Variants in JAKMIP1 observed in about 807,000 individuals in gnomAD.
The protein encoded by JAKMIP1 is janus kinase and microtubule interacting protein 1.
A neutral mutation model predicts 113.0 loss-of-function variants in JAKMIP1; 33 were observed. That is an observed-to-expected ratio of 0.29 (90% CI 0.22 to 0.39). JAKMIP1 has a LOEUF of 0.39. Ranked by LOEUF, JAKMIP1 falls within the 10% of genes least tolerant of loss-of-function variation. The pLI is 1.00. For synonymous variants in JAKMIP1, 480 were observed against 459.9 expected (o/e 1.04, Z -0.56); for missense variants, 813 against 1,080.5 (o/e 0.75, Z 3.47).
At chr4:6,149,403 T>G (rs577172420) in intron 1 of JAKMIP1, among the ~76,000 whole-genome samples, 1 of 152,010 alleles carries the variant, frequency 6.6e-6, no homozygotes, top group African/African-American at 2.4e-5. Flanking sequence ...CAGCTGACCC[T>G]CGCCATCTGT....
chr4:6,079,740 T>C (rs1269987062), intron 7 of JAKMIP1, among the ~76,000 whole-genome samples: 1 of 152,204 alleles, frequency 6.6e-6, no homozygotes, highest in Non-Finnish European at 1.5e-5. Flanking sequence ...GGTGCTGGTC[T>C]GGTTATAAGG....
rs1408092800 is a variant in JAKMIP1 at position 6,065,140 on chromosome 4, G to GT, written c.1303-133dup. 1.2e-5 allele frequency: 14 copies of GT among 1,127,346 alleles called. No individual in the cohort carries two copies. In the East Asian group the frequency reaches 3.1e-4, roughly 25 times the overall value. 69.8% of individuals were successfully genotyped at this position (1,127,346 alleles called of 1,614,324 possible). ...GGCCACTGGGGCATCACAAGATGCG[G>GT]TTGGTGGGCTTCGTAACTGACTGGG... is the stretch of plus-strand genomic sequence containing the variant. On this transcript the variant is annotated intron_variant, in intron 8 of 20. Transcript: ENST00000409021. This position sits in a 1 kb window ranked among gnomAD's most constrained non-coding sequence, Gnocchi z 5.1.
Position 6,197,773 on chromosome 4 carries a change from G to T in JAKMIP1, c.-148+2480C>A, listed in dbSNP as rs1239583413. On this transcript the variant is annotated intron_variant, in intron 1 of 20. Transcript: ENST00000409021. This position sits in a 1 kb window ranked among gnomAD's most constrained non-coding sequence, Gnocchi z 6.5. The stretch of plus-strand genomic sequence containing the variant: ...GCCTGAATGGGAACCCTGGCAGTCT[G>T]GCTCAGAGCCTGAAGAGACACAAGG... Among the ~76,000 whole-genome samples the T allele has an allele frequency of 6.6e-6, 1 of 152,244 alleles. No homozygotes were observed. The highest frequency in any genetic ancestry group is 1.5e-5 in the Non-Finnish European group (1 of 68,040).
chr4:6,196,826 A>T (rs1349449418), intron 1 of JAKMIP1, among the ~76,000 whole-genome samples: 1 of 149,442 alleles, frequency 6.7e-6, no homozygotes, highest in Admixed American at 6.7e-5. Context: ...GTGCCATTGC[A>T]CTCCAGCCTG....
At chr4:6,071,810 C>T (rs914419688) in intron 8 of JAKMIP1, among the ~76,000 whole-genome samples, 1 of 152,190 alleles carries the variant, frequency 6.6e-6, no homozygotes, top group Non-Finnish European at 1.5e-5. Flanking sequence ...TCTTCATAAT[C>T]ACCCCAGTGT....
chr4:6,089,750 C>G lies in JAKMIP1; in HGVS notation c.625-4121G>C, dbSNP rs1721783976. On this transcript the variant is annotated intron_variant, in intron 3 of 20. Transcript: ENST00000409021. This position sits in a 1 kb window ranked among gnomAD's most constrained non-coding sequence, Gnocchi z 5.3. The stretch of plus-strand genomic sequence containing the variant: ...GGGGAATCAAAGACTGAAGCAGAGG[C>G]CACTACCTCAACATCAATTCTCATT... 1.3e-5 allele frequency among the ~76,000 whole-genome samples: 2 copies of G among 152,212 alleles called. No homozygotes were observed. The highest frequency in any genetic ancestry group is 1.3e-4 in the Admixed American group (2 of 15,280).
In JAKMIP1 at chr4:6,042,236, C is replaced by A. The variant is rs1257812412; in HGVS notation, c.2029-9G>T. 1 of 1,612,582 alleles carries A rather than the reference C, an allele frequency of 6.2e-7. No individual in the cohort carries two copies. The highest frequency in any genetic ancestry group is 8.5e-7 in the Non-Finnish European group (1 of 1,178,792). ...TCTATTTGCTTCAGCCACTAGAAAA[C>A]AGCAGGGACAGGACGGGTGCAGCAA... is the stretch of plus-strand genomic sequence containing the variant. On this transcript the variant is annotated splice_polypyrimidine_tract_variant and intron_variant, in intron 16 of 20. Coordinates refer to ENST00000409021, the MANE Select transcript of JAKMIP1 (RefSeq NM_001099433.2). The surrounding 1 kb of genome is among the most constrained non-coding windows in gnomAD (Gnocchi z 5.2).
intron 1 of JAKMIP1, among the ~76,000 whole-genome samples, chr4:6,175,929 G>A (rs1422239019): frequency 6.6e-6 from 1 of 152,152 alleles, no homozygotes; most frequent in South Asian, 2.1e-4. Flanking sequence ...CAGAGATAAC[G>A]GTGCTACCAC....
intron 1 of JAKMIP1, among the ~76,000 whole-genome samples, chr4:6,164,774 G>A (rs1326161351): frequency 6.6e-6 from 1 of 152,240 alleles, no homozygotes; most frequent in East Asian, 1.9e-4. Flanking sequence ...AATCGCATAA[G>A]TGGTGAGAAA....
At position 6,193,156 on chromosome 4, in the gene JAKMIP1, C is replaced by T. The variant is rs1425529045; in HGVS notation, c.-148+7097G>A. Among the ~76,000 whole-genome samples, 3 of 152,264 alleles carry T rather than the reference C, an allele frequency of 2.0e-5. No homozygotes were observed. Among genetic ancestry groups the T allele is most frequent in the East Asian group, 3.9e-4 (2 of 5,160 alleles). ...ATGCTGGATGCTTCCTGCCCTCGGA[C>T]ATCAGACTGCAAGTTCTTCAGCTTT... On this transcript the variant is annotated intron_variant, in intron 1 of 20. Coordinates refer to ENST00000409021, the MANE Select transcript of JAKMIP1 (RefSeq NM_001099433.2). The surrounding 1 kb of genome is among the most constrained non-coding windows in gnomAD (Gnocchi z 6.4).
chr4:6,054,450 T>C (rs1038465601), intron 12 of JAKMIP1, among the ~76,000 whole-genome samples: 1 of 152,154 alleles, frequency 6.6e-6, no homozygotes, highest in Non-Finnish European at 1.5e-5. Context: ...ATGGGGAGAC[T>C]GAGGCATGAA....
intron 19 of JAKMIP1, among the ~76,000 whole-genome samples, chr4:6,030,691 G>A (rs1712520598): frequency 6.6e-6 from 1 of 152,236 alleles, no homozygotes; most frequent in African/African-American, 2.4e-5. Flanking sequence ...ATGCTGGGAG[G>A]CGGAAGGGTG....
chr4:6,132,198 A>G (rs35645082), intron 1 of JAKMIP1, among the ~76,000 whole-genome samples: 21,541 of 152,268 alleles, frequency 0.14, 1,764 homozygotes, highest in Middle Eastern at 0.27. Context: ...AGATGCTTCC[A>G]CTACACAGGA....
In JAKMIP1 at chr4:6,156,574, G is replaced by A. The variant is rs1349750252; in HGVS notation, c.-147-43577C>T. Among the ~76,000 whole-genome samples the A allele has an allele frequency of 6.6e-6, 1 of 152,170 alleles. No homozygotes were observed. The highest frequency in any genetic ancestry group is 1.5e-5 in the Non-Finnish European group (1 of 68,030). ...TTCGGCTTCAGCCCCCAGTCATCCTGGTGACCCAGGGCTTAGCTACTGAGA... is the reference window on the plus strand; with the variant it reads ...TTCGGCTTCAGCCCCCAGTCATCCTAGTGACCCAGGGCTTAGCTACTGAGA... On this transcript the variant is annotated intron_variant, in intron 1 of 20. Transcript: ENST00000409021. This position sits in a 1 kb window ranked among gnomAD's most constrained non-coding sequence, Gnocchi z 5.0.
intron 1 of JAKMIP1, among the ~76,000 whole-genome samples, chr4:6,128,043 C>A (rs1302629960): frequency 1.3e-5 from 2 of 152,162 alleles, no homozygotes; most frequent in African/African-American, 4.8e-5. Flanking sequence ...CTCATTTGAC[C>A]CCTACAAAGA....
At position 6,188,810 on chromosome 4, in the gene JAKMIP1, C is replaced by T. The variant is rs547213462; in HGVS notation, c.-148+11443G>A. Reference sequence around the variant, plus strand: ...TCTGCAATACACAGGCTCTCACAGACTTGGTTCATCCTGGGTGCCTATGGT... The same window carrying T: ...TCTGCAATACACAGGCTCTCACAGATTTGGTTCATCCTGGGTGCCTATGGT... On this transcript the variant is annotated intron_variant, in intron 1 of 20. Transcript: ENST00000409021. The surrounding 1 kb of genome is among the most constrained non-coding windows in gnomAD (Gnocchi z 5.8). Among the ~76,000 whole-genome samples, 5 of 152,290 alleles carry T rather than the reference C, an allele frequency of 3.3e-5. No individual in the cohort carries two copies. In the East Asian group the frequency reaches 7.7e-4, roughly 24 times the overall value.
chr4:6,142,982 T>C lies in JAKMIP1; in HGVS notation c.-147-29985A>G, dbSNP rs1720373424. ...CTCTCATCTCTGACTATACTATCAATATGAAAAGAAAAACTGCCTCGATGC... is the reference window on the plus strand; with the variant it reads ...CTCTCATCTCTGACTATACTATCAACATGAAAAGAAAAACTGCCTCGATGC... On this transcript the variant is annotated intron_variant, in intron 1 of 20. Transcript: ENST00000409021. This position sits in a 1 kb window ranked among gnomAD's most constrained non-coding sequence, Gnocchi z 5.5. 1.3e-5 allele frequency among the ~76,000 whole-genome samples: 2 copies of C among 152,124 alleles called. No homozygotes were observed. Among genetic ancestry groups the C allele is most frequent in the African/African-American group, 4.8e-5 (2 of 41,434 alleles).
intron 1 of JAKMIP1, among the ~76,000 whole-genome samples, chr4:6,170,340 C>T (rs533703162): frequency 9.1e-4 from 92 of 101,446 alleles, no homozygotes; most frequent in African/African-American, 3.2e-3. Context: ...ACTCTCCCCA[C>T]CCTTCTCACC....
In JAKMIP1 at chr4:6,106,026, C is replaced by T. The variant is rs1489190557; in HGVS notation, c.130-59G>A. The T allele has an allele frequency of 8.1e-7, 1 of 1,228,570 alleles. No homozygotes were observed. Among genetic ancestry groups the T allele is most frequent in the African/African-American group, 1.5e-5 (1 of 65,348 alleles). The allele number at this position is 1,228,570 out of a possible 1,614,324, so 76.1% of individuals were successfully genotyped here. On this transcript the variant is annotated intron_variant, in intron 2 of 20. Transcript: ENST00000409021. The surrounding 1 kb of genome is among the most constrained non-coding windows in gnomAD (Gnocchi z 5.9). ...TCAGGGTCAGGGTCAGGGTCAGGGT[C>T]AGGGTCACAGCTGGGGGAGCTGGCC...
Sources: gnomAD v4.1 joint callset for allele counts (sites outside exome capture counted in the v4.1 genomes callset) on GRCh38, gnomAD v4.1.1 for gene constraint, Gnocchi (gnomAD v3.1) non-coding constraint, MANE v1.5 for transcripts, NCBI Gene and HGNC (gene_info 2026-07-23, HGNC 2026-07-21) for gene names.